The following TFB1M variants were observed in gnomAD, a reference collection of about 807,000 sequenced individuals.
TFB1M encodes the protein dimethyladenosine transferase 1, mitochondrial.
In TFB1M, 27 loss-of-function variants were observed where a neutral mutation model predicts 31.1. That is an observed-to-expected ratio of 0.87 (90% CI 0.64 to 1.20). The LOEUF is 1.20. TFB1M is among the 50% of genes most tolerant of loss of function. The pLI is 0.00. For synonymous variants in TFB1M, 166 were observed against 151.8 expected, an observed-to-expected ratio of 1.09 and a Z score of -0.69; for missense variants, 394 against 418.7, an observed-to-expected ratio of 0.94 and a Z score of 0.51.
intron 5 of TFB1M, among the ~76,000 whole-genome samples, chr6:155,265,193 C>T (rs1452285101): frequency 6.6e-6 from 1 of 152,140 alleles, no homozygotes; most frequent in Non-Finnish European, 1.5e-5. Flanking sequence ...GCTGCCCAGC[C>T]GGGCCATGGG....
intron 4 of TFB1M, 73 bp downstream of exon 4, chr6:155,296,879 TA>T: frequency 7.3e-7 from 1 of 1,363,498 alleles, no homozygotes; most frequent in Non-Finnish European, 1.0e-6. Context: ...CAGACTGTGG[TA>T]AAAATGCAGT....
rs1297927951 is a variant in TFB1M at position 155,256,702 on chromosome 6, A to G, written c.*1134T>C. 6.2e-7 allele frequency: 1 copy of G among 1,614,042 alleles called. No individual in the cohort carries two copies. Among genetic ancestry groups the G allele is most frequent in the African/African-American group, 1.3e-5 (1 of 74,918 alleles). ...GGCAGATTTTGCCGACAATCTCATCAAAGAGAGTGACATCCTGAGCGATGA... is the reference window on the plus strand; with the variant it reads ...GGCAGATTTTGCCGACAATCTCATCGAAGAGAGTGACATCCTGAGCGATGA... On this transcript the variant is annotated 3_prime_UTR_variant, in exon 7 of 7. Transcript: ENST00000367166.
intron 3 of TFB1M, among the ~76,000 whole-genome samples, chr6:155,297,453 C>T (rs936037615): frequency 6.6e-6 from 1 of 152,096 alleles, no homozygotes; most frequent in Non-Finnish European, 1.5e-5. Context: ...ATGAAGCTGT[C>T]AGAGGTCAGA....
intron 5 of TFB1M, among the ~76,000 whole-genome samples, chr6:155,264,986 G>A (rs1784559294): frequency 1.3e-5 from 2 of 152,166 alleles, no homozygotes; most frequent in South Asian, 4.1e-4. Context: ...TTGTATAAAG[G>A]TTTTCTGTTA....
chr6:155,245,714 A>G, the TFB1M span: 1 of 1,602,204 alleles, frequency 6.2e-7, no homozygotes, highest in Non-Finnish European at 8.5e-7. Context: ...ATCAAAGTAC[A>G]GAAGGTTCTG....
At chr6:155,267,906 G>C (rs926699293) in intron 5 of TFB1M, among the ~76,000 whole-genome samples, 2 of 152,166 alleles carry the variant, frequency 1.3e-5, no homozygotes, top group Non-Finnish European at 2.9e-5. Context: ...CAAACAATGA[G>C]TCCTTATAGT....
chr6:155,251,104 A>C, the TFB1M span: 86 of 1,190,354 alleles, frequency 7.2e-5, no homozygotes, highest in Non-Finnish European at 9.8e-5. Flanking sequence ...AGTCCAGCTC[A>C]CTCCTGAGCT....
At position 155,257,915 on chromosome 6, in the gene TFB1M, T is replaced by TTA; in HGVS notation, c.960_961dup (p.Asn321IlefsTer49). Reference sequence around the variant, plus strand: ...TCTTCGCTTGAGTTCTTCTCTGAAATTATATGCAAAGAGTTGTGGGTCTTC... The same window carrying TTA: ...TCTTCGCTTGAGTTCTTCTCTGAAATTATATATGCAAAGAGTTGTGGGTCTTC... On this transcript the variant is annotated frameshift_variant, in exon 7 of 7. Transcript: ENST00000367166. LOFTEE classifies it low-confidence loss of function (END_TRUNC). The TTA allele has an allele frequency of 6.2e-7, 1 of 1,614,202 alleles. No individual in the cohort carries two copies. The highest frequency in any genetic ancestry group is 8.5e-7 in the Non-Finnish European group (1 of 1,180,024).
intron 2 of TFB1M, among the ~76,000 whole-genome samples, chr6:155,301,819 G>A (rs940469562): frequency 1.1e-4 from 16 of 152,108 alleles, no homozygotes; most frequent in Admixed American, 3.3e-4. Flanking sequence ...GCTAGCTCTC[G>A]TGATTTACAT....
downstream of TFB1M, among the ~76,000 whole-genome samples, chr6:155,251,308 C>T (rs1330941784): frequency 2.6e-5 from 4 of 152,084 alleles, no homozygotes; most frequent in Non-Finnish European, 5.9e-5. Flanking sequence ...TTTTCTGAGA[C>T]GAGGTTTTGC....
chr6:155,276,466 T>A, intron 5 of TFB1M: 8 of 1,218,148 alleles, frequency 6.6e-6, no homozygotes, highest in Non-Finnish European at 8.0e-6. Context: ...TGCTTAACTT[T>A]CCCTACAAAG....
At chr6:155,266,022 G>A (rs745912013) in intron 5 of TFB1M, among the ~76,000 whole-genome samples, 9 of 151,770 alleles carry the variant, frequency 5.9e-5, no homozygotes, top group Non-Finnish European at 7.4e-5. Context: ...TAGCTGAGCC[G>A]GCAGCTGATT....
the TFB1M span, chr6:155,248,241 G>C: frequency 6.5e-7 from 1 of 1,544,942 alleles, no homozygotes; most frequent in East Asian, 2.3e-5. Flanking sequence ...GCTGCCAGCC[G>C]TGCCCTGGGC....
downstream of TFB1M, chr6:155,254,054 G>A (rs764568517): frequency 5.0e-6 from 8 of 1,613,864 alleles, no homozygotes; most frequent in African/African-American, 1.1e-4. Context: ...TTTCAGTTGT[G>A]TTGCAGGTAT....
At chr6:155,276,265 C>T (rs199823828) in intron 5 of TFB1M, 9 of 1,614,116 alleles carry the variant, frequency 5.6e-6, no homozygotes, top group East Asian at 4.5e-5. Flanking sequence ...TGATTTTCTG[C>T]ACCTCCTGTA....
intron 5 of TFB1M, 155 bp from the exon 6 acceptor site, chr6:155,260,555 G>A: frequency 1.1e-6 from 1 of 917,020 alleles, no homozygotes; most frequent in South Asian, 1.4e-5. Context: ...TCTAGGCATG[G>A]AAGATGGTAC....
intron 4 of TFB1M, among the ~76,000 whole-genome samples, chr6:155,292,297 A>T (rs997939005): frequency 5.1e-4 from 78 of 152,172 alleles, no homozygotes; most frequent in African/African-American, 1.8e-3. Context: ...CGGGTGGGGG[A>T]GACAGGAACA....
intron 4 of TFB1M, among the ~76,000 whole-genome samples, chr6:155,293,030 T>C (rs1233570365): frequency 6.6e-6 from 1 of 151,904 alleles, no homozygotes; most frequent in East Asian, 1.9e-4. Context: ...CAAGGTAACA[T>C]AGGGAGCTAT....
At chr6:155,238,358 C>CT in the TFB1M span, among the ~76,000 whole-genome samples, 1 of 152,114 alleles carries the variant, frequency 6.6e-6, no homozygotes, top group African/African-American at 2.4e-5. Flanking sequence ...CTTTTCCACA[C>CT]TTTCCTGTCT....
Sources: allele counts gnomAD v4.1 joint callset (sites outside exome capture counted in the v4.1 genomes callset), GRCh38; gene constraint gnomAD v4.1.1; transcripts MANE v1.5; gene names NCBI Gene and HGNC (gene_info 2026-07-23, HGNC 2026-07-21).